The following FOXO1 variants were observed in gnomAD, a reference collection of about 807,000 sequenced individuals.
FOXO1 encodes forkhead box protein O1.
Under a neutral mutation model 44.1 loss-of-function variants are expected in FOXO1, and 6 were observed. The observed-to-expected ratio is 0.14, with a 90% CI of 0.07 to 0.27. The LOEUF (loss-of-function observed/expected upper bound fraction) is 0.27. Ranked by LOEUF, FOXO1 falls within the 10% of genes least tolerant of loss-of-function variation. The probability of loss-of-function intolerance (pLI) is 1.00; values close to 1 mark genes in which losing one functional copy is unlikely to be tolerated. For synonymous variants in FOXO1, 380 were observed against 362.7 expected (o/e 1.05, Z -0.54); for missense variants, 737 against 888.8 (o/e 0.83, Z 2.17).
intron 1 of FOXO1, among the ~76,000 whole-genome samples, chr13:40,612,809 A>T (rs1876280415): frequency 6.6e-6 from 1 of 152,174 alleles, no homozygotes; most frequent in East Asian, 1.9e-4. Flanking sequence ...CTAATGTATA[A>T]CTATCATAGG....
intron 1 of FOXO1, among the ~76,000 whole-genome samples, chr13:40,644,553 G>C (rs898645698): frequency 2.6e-5 from 4 of 152,172 alleles, no homozygotes; most frequent in African/African-American, 9.7e-5. Context: ...AGTCCGGTGG[G>C]ATATACCAGG....
At chr13:40,630,384 G>C in intron 1 of FOXO1, among the ~76,000 whole-genome samples, 1 of 152,304 alleles carries the variant, frequency 6.6e-6, no homozygotes, top group African/African-American at 2.4e-5. Context: ...GCCTGGTGCA[G>C]TAGCTCACGC....
intron 1 of FOXO1, among the ~76,000 whole-genome samples, chr13:40,634,997 A>C (rs1295817945): frequency 1.3e-5 from 2 of 152,114 alleles, no homozygotes; most frequent in Non-Finnish European, 2.9e-5. Flanking sequence ...AAAACAAAAC[A>C]AACAACCCTC....
intron 1 of FOXO1, chr13:40,619,608 G>A (rs1876542532): frequency 3.9e-6 from 6 of 1,535,176 alleles, no homozygotes; most frequent in Non-Finnish European, 5.4e-6. Flanking sequence ...GGCAACAAAG[G>A]TCATCTAGTC....
At chr13:40,588,065 G>A (rs1875237278) in intron 1 of FOXO1, among the ~76,000 whole-genome samples, 1 of 152,168 alleles carries the variant, frequency 6.6e-6, no homozygotes, top group Admixed American at 6.5e-5. Flanking sequence ...TGGTGCGGGA[G>A]GAAGCCCAGG....
chr13:40,642,403 C>T (rs1877382304), intron 1 of FOXO1, among the ~76,000 whole-genome samples: 1 of 152,182 alleles, frequency 6.6e-6, no homozygotes, highest in Non-Finnish European at 1.5e-5. Context: ...GCACCGGCAA[C>T]TATACTCCAA....
chr13:40,618,744 C>T (rs1876507168), intron 1 of FOXO1: 1 of 438,472 alleles, frequency 2.3e-6, no homozygotes, highest in Non-Finnish European at 4.4e-6. Context: ...CAGGATGAAT[C>T]AGTCTAGATC....
chr13:40,606,632 T>G (rs1876010678), intron 1 of FOXO1, among the ~76,000 whole-genome samples: 1 of 152,084 alleles, frequency 6.6e-6, no homozygotes, highest in African/African-American at 2.4e-5. Context: ...GGGTTTTAAG[T>G]GACAGCACAG....
In FOXO1 at chr13:40,665,748, G is replaced by A; in HGVS notation, c.465C>T (p.Ser155=). 1.4e-6 allele frequency: 2 copies of A among 1,420,966 alleles called. No homozygotes were observed. The highest frequency in any genetic ancestry group is 1.9e-6 in the Non-Finnish European group (2 of 1,071,780). 88.0% of individuals were successfully genotyped at this position (1,420,966 alleles called of 1,614,324 possible). The stretch of plus-strand genomic sequence containing the variant: ...ACAGGTTGCCCCACGCGTTGCGGCG[G>A]GACGAGCTGCTCTTGCGCGGCTGCC... ...LAGQPRKSSS[S]RRNAWGNLSY... The change falls in exon 1 of 3, where the codon TCC becomes TCT. Residue 155 remains serine, a synonymous_variant. Transcript: ENST00000379561.
At chr13:40,596,365 G>C (rs991714275) in intron 1 of FOXO1, among the ~76,000 whole-genome samples, 1 of 152,198 alleles carries the variant, frequency 6.6e-6, no homozygotes, top group Non-Finnish European at 1.5e-5. Flanking sequence ...GCAGTTTCAT[G>C]TGCCTTGGTG....
intron 1 of FOXO1, among the ~76,000 whole-genome samples, chr13:40,570,959 C>T (rs1396200139): frequency 2.6e-5 from 4 of 152,330 alleles, no homozygotes; most frequent in Middle Eastern, 3.4e-3. Flanking sequence ...TCTATAACCC[C>T]TCTGTATCAG....
At chr13:40,599,716 G>A (rs542039998) in intron 1 of FOXO1, among the ~76,000 whole-genome samples, 27 of 152,258 alleles carry the variant, frequency 1.8e-4, no homozygotes, top group Middle Eastern at 3.4e-3. Context: ...CCCCTCCTCC[G>A]GCCTCGGAGG....
In FOXO1 at chr13:40,560,063, A is replaced by G. The variant is rs1254469743; in HGVS notation, c.1428T>C (p.Ile476=). 3 of 1,614,026 alleles carry G rather than the reference A, an allele frequency of 1.9e-6. No homozygotes were observed. The highest frequency in any genetic ancestry group is 2.5e-6 in the Non-Finnish European group (3 of 1,180,026). ...CTACCCCAGGATCAACTGGTGTCAT[A>G]ATGTCATTATGGGGAGGAGAGTCAG... ...LTSDSPPHND[I]MTPVDPGVAQ... Residue 476 remains isoleucine, a synonymous_variant, in exon 2 of 3, where the codon ATT becomes ATC. Transcript: ENST00000379561. The surrounding 1 kb of genome is among the most constrained non-coding windows in gnomAD (Gnocchi z 5.1).
In FOXO1 at chr13:40,639,868, G is replaced by A. The variant is rs536603275; in HGVS notation, c.630+25715C>T. ...TCTGAAAAATCTTCGAAAATAAAACGACTGAGAACGGGAGAGAGCAACCTT... is the reference window on the plus strand; with the variant it reads ...TCTGAAAAATCTTCGAAAATAAAACAACTGAGAACGGGAGAGAGCAACCTT... On this transcript the variant is annotated intron_variant, in intron 1 of 2. Coordinates refer to ENST00000379561, the MANE Select transcript of FOXO1 (RefSeq NM_002015.4). Among the ~76,000 whole-genome samples, 5 of 152,302 alleles carry A rather than the reference G, an allele frequency of 3.3e-5. No homozygotes were observed. The South Asian group carries it at 8.3e-4, about 25-fold the overall frequency.
intron 1 of FOXO1, among the ~76,000 whole-genome samples, chr13:40,589,405 T>A (rs1875288781): frequency 6.6e-6 from 1 of 152,216 alleles, no homozygotes; most frequent in Non-Finnish European, 1.5e-5. Flanking sequence ...AACTTTCATA[T>A]CCATTTCAAG....
intron 1 of FOXO1, among the ~76,000 whole-genome samples, chr13:40,600,854 G>A (rs1404943755): frequency 2.0e-5 from 3 of 152,120 alleles, no homozygotes; most frequent in Non-Finnish European, 4.4e-5. Context: ...GGATCTAACA[G>A]ACTTTTATTT....
At chr13:40,632,970 C>T (rs182593196) in intron 1 of FOXO1, among the ~76,000 whole-genome samples, 1 of 150,640 alleles carries the variant, frequency 6.6e-6, no homozygotes, top group Non-Finnish European at 1.5e-5. Context: ...AGATATCTCT[C>T]CAAAGAAGAT....
At chr13:40,574,646 C>A (rs1344412786) in intron 1 of FOXO1, among the ~76,000 whole-genome samples, 1 of 152,182 alleles carries the variant, frequency 6.6e-6, no homozygotes, top group Admixed American at 6.5e-5. Flanking sequence ...TCAAAGATCA[C>A]TTTTCTCTGA....
At chr13:40,587,402 A>C (rs550041686) in intron 1 of FOXO1, among the ~76,000 whole-genome samples, 5 of 152,330 alleles carry the variant, frequency 3.3e-5, no homozygotes, top group Admixed American at 6.5e-5. Context: ...AGTCCAGATA[A>C]GCCAAACAGC....
Sources: allele counts gnomAD v4.1 joint callset (sites outside exome capture counted in the v4.1 genomes callset), GRCh38; gene constraint gnomAD v4.1.1; non-coding constraint Gnocchi (gnomAD v3.1); transcripts MANE v1.5; gene names NCBI Gene and HGNC (gene_info 2026-07-23, HGNC 2026-07-21).